ARHGAP24: variants seen among roughly 807,000 people sequenced by gnomAD.
ARHGAP24 encodes rho GTPase-activating protein 24.
ARHGAP24 carries 50 observed loss-of-function variants against 76.4 expected under a neutral mutation model. The ratio of observed to expected loss-of-function variants is 0.65; its 90% CI spans 0.52 to 0.83. ARHGAP24 has a LOEUF of 0.83. Ranked by LOEUF, ARHGAP24 falls within the 40% of genes least tolerant of loss-of-function variation. The probability of loss-of-function intolerance (pLI) is 0.00; values close to 1 mark genes in which losing one functional copy is unlikely to be tolerated. For synonymous variants in ARHGAP24, 345 were observed against 323.3 expected (o/e 1.07, Z -0.72); for missense variants, 930 against 914.2 (o/e 1.02, Z -0.22).
At chr4:85,903,796 T>C (rs1433445150) in intron 3 of ARHGAP24, among the ~76,000 whole-genome samples, 1 of 152,184 alleles carries the variant, frequency 6.6e-6, no homozygotes, top group East Asian at 1.9e-4. Context: ...TATAATATAG[T>C]GACTGGCATG....
At chr4:85,783,725 A>G (rs1300730332) in intron 3 of ARHGAP24, among the ~76,000 whole-genome samples, 1 of 152,208 alleles carries the variant, frequency 6.6e-6, no homozygotes, top group Admixed American at 6.5e-5. Flanking sequence ...TCCATGCCAG[A>G]CTTTATTCTC....
intron 2 of ARHGAP24, among the ~76,000 whole-genome samples, chr4:85,609,307 G>A (rs957182396): frequency 1.8e-4 from 27 of 152,102 alleles, no homozygotes; most frequent in African/African-American, 6.3e-4. Flanking sequence ...GAGCAATAGT[G>A]TTGTTTCCGT....
At chr4:85,863,175 T>C (rs1287372211) in intron 3 of ARHGAP24, among the ~76,000 whole-genome samples, 1 of 152,098 alleles carries the variant, frequency 6.6e-6, no homozygotes, top group East Asian at 1.9e-4. Context: ...AACAAGGATT[T>C]TTTTTAACTT....
At chr4:85,569,318 GAC>G (rs1359699350) in intron 1 of ARHGAP24, among the ~76,000 whole-genome samples, 1 of 152,118 alleles carries the variant, frequency 6.6e-6, no homozygotes, top group Non-Finnish European at 1.5e-5. Context: ...CCTCATCAAA[GAC>G]ACAAGAGTTA....
Position 85,930,273 on chromosome 4 carries a change from G to A in ARHGAP24, c.391+6503G>A, listed in dbSNP as rs556570016. Reference sequence around the variant, plus strand: ...ACTGTTCTGACGTTGTGATTCTCTCGGGAGTTTGAAGACAGAAAGGAAAGG... The same window carrying A: ...ACTGTTCTGACGTTGTGATTCTCTCAGGAGTTTGAAGACAGAAAGGAAAGG... On this transcript the variant is annotated intron_variant, in intron 4 of 9. Coordinates refer to ENST00000395184, the MANE Select transcript of ARHGAP24 (RefSeq NM_001025616.3). The A allele has an allele frequency of 5.3e-5, 52 of 985,540 alleles. No homozygotes were observed. In the Admixed American group the frequency reaches 5.5e-4, roughly 10 times the overall value. 61.0% of individuals were successfully genotyped at this position (985,540 alleles called of 1,614,324 possible).
chr4:85,805,264 C>A (rs1728740441), intron 3 of ARHGAP24, among the ~76,000 whole-genome samples: 1 of 152,140 alleles, frequency 6.6e-6, no homozygotes. Context: ...CCAACACCAC[C>A]CATTCCCCTT....
At chr4:85,672,606 C>T (rs1257851612) in intron 2 of ARHGAP24, among the ~76,000 whole-genome samples, 2 of 152,156 alleles carry the variant, frequency 1.3e-5, no homozygotes, top group Non-Finnish European at 2.9e-5. Flanking sequence ...CTTGGCTACT[C>T]ATCTGTTTTA....
intron 3 of ARHGAP24, among the ~76,000 whole-genome samples, chr4:85,854,440 A>G (rs1731441298): frequency 6.6e-6 from 1 of 152,220 alleles, no homozygotes. Context: ...AGACTAGCAC[A>G]TTGTCAATTT....
At chr4:85,596,798 T>G (rs1719853207) in intron 2 of ARHGAP24, among the ~76,000 whole-genome samples, 1 of 152,124 alleles carries the variant, frequency 6.6e-6, no homozygotes, top group African/African-American at 2.4e-5. Context: ...ATAACTAGAT[T>G]TTTTTACTAC....
chr4:85,596,446 G>A (rs1235044967), intron 2 of ARHGAP24, among the ~76,000 whole-genome samples: 2 of 152,034 alleles, frequency 1.3e-5, no homozygotes, highest in Non-Finnish European at 2.9e-5. Context: ...AAAAAGTGTT[G>A]TTGTTCCAGT....
At chr4:85,610,451 C>CAAAAAAAAAAAAAAAAAAAAAAAAAA (rs57348830) in intron 2 of ARHGAP24, among the ~76,000 whole-genome samples, 1 of 51,212 alleles carries the variant, frequency 2.0e-5, no homozygotes, top group African/African-American at 8.1e-5. Context: ...ACTCCATCTA[C>CAAAAAAAAAAAAAAAAAAAAAAAAAA]AAAAAAAAAA....
chr4:85,941,599 T>C (rs1736949920), intron 4 of ARHGAP24, among the ~76,000 whole-genome samples: 1 of 152,128 alleles, frequency 6.6e-6, no homozygotes, highest in Non-Finnish European at 1.5e-5. Context: ...ACATCACAAC[T>C]TGAGTAAAAA....
intron 5 of ARHGAP24, among the ~76,000 whole-genome samples, chr4:85,949,906 G>A (rs544315849): frequency 2.0e-5 from 3 of 152,328 alleles, no homozygotes; most frequent in African/African-American, 7.2e-5. Context: ...GAGACAAGGT[G>A]CATTCTCTTC....
rs146912962 is a variant in ARHGAP24, at chr4:85,733,222, C to T, written c.268+11250C>T. Among the ~76,000 whole-genome samples, 415 of 151,764 alleles carry T rather than the reference C, an allele frequency of 2.7e-3. 2 individuals are homozygous for T. The highest frequency in any genetic ancestry group is 9.6e-3 in the African/African-American group (399 of 41,360). Reference sequence around the variant, plus strand: ...GGGACTACAGGCGCCCACCACCACACTTGGCTAATTTTTTGTATTTTTAGC... The same window carrying T: ...GGGACTACAGGCGCCCACCACCACATTTGGCTAATTTTTTGTATTTTTAGC... On this transcript the variant is annotated intron_variant, in intron 3 of 9. Coordinates refer to ENST00000395184, the MANE Select transcript of ARHGAP24 (RefSeq NM_001025616.3).
intron 1 of ARHGAP24, among the ~76,000 whole-genome samples, chr4:85,505,830 TG>T (rs1724023614): frequency 6.6e-6 from 1 of 152,172 alleles, no homozygotes; most frequent in Admixed American, 6.5e-5. Flanking sequence ...TTCAACTTTT[TG>T]CCCTGGTTTC....
At chr4:85,578,479 G>A (rs1383974) in intron 2 of ARHGAP24, among the ~76,000 whole-genome samples, 11,631 of 152,204 alleles carry the variant, frequency 0.076, 1,415 homozygotes, top group African/African-American at 0.26. Context: ...TGATTTGTCC[G>A]GTATAGGCAC....
At chr4:85,660,818 T>TA (rs1463135583) in intron 2 of ARHGAP24, among the ~76,000 whole-genome samples, 1 of 32,360 alleles carries the variant, frequency 3.1e-5, no homozygotes, top group African/African-American at 8.6e-5. Flanking sequence ...AAAAAAAAAA[T>TA]CTGTAGATGG....
At chr4:85,485,374 AAAATATATATATATATATATATATAT>A (rs1722999759) in intron 1 of ARHGAP24, among the ~76,000 whole-genome samples, 1 of 42,774 alleles carries the variant, frequency 2.3e-5, no homozygotes, top group Admixed American at 3.5e-4. Context: ...AAAAAAAAAA[AAAATATATATATATATATATATATAT>A]ATATATATAT....
intron 9 of ARHGAP24, among the ~76,000 whole-genome samples, chr4:85,995,953 A>G (rs956702424): frequency 2.6e-5 from 4 of 152,208 alleles, no homozygotes; most frequent in African/African-American, 4.8e-5. Flanking sequence ...TTATTATTAA[A>G]TAGATAGATT....
Sources: allele counts gnomAD v4.1 joint callset (sites outside exome capture counted in the v4.1 genomes callset), GRCh38; gene constraint gnomAD v4.1.1; transcripts MANE v1.5; gene names NCBI Gene and HGNC (gene_info 2026-07-23, HGNC 2026-07-21).